ALMS1: variants seen among roughly 807,000 people sequenced by gnomAD.
ALMS1 encodes the protein centrosome-associated protein ALMS1.
Under a neutral mutation model 352.2 loss-of-function variants are expected in ALMS1, and 271 were observed. The observed-to-expected ratio is 0.77, with a 90% CI of 0.70 to 0.85. ALMS1 has a LOEUF of 0.85. ALMS1 is among the 40% of genes least tolerant of loss of function. The probability of loss-of-function intolerance (pLI) is 0.00; values close to 1 mark genes in which losing one functional copy is unlikely to be tolerated. For synonymous variants in ALMS1, 1,865 were observed against 1,761.2 expected (o/e 1.06, Z -1.48); for missense variants, 5,445 against 4,870.7 (o/e 1.12, Z -3.51).
chr2:73,466,158 C>A (rs558254676), intron 9 of ALMS1, among the ~76,000 whole-genome samples: 30 of 152,256 alleles, frequency 2.0e-4, no homozygotes, highest in African/African-American at 6.7e-4. Flanking sequence ...GATTATAAAT[C>A]GTGCTGCTAT....
chr2:73,407,349 G>C (rs1670992158), intron 1 of ALMS1, among the ~76,000 whole-genome samples: 1 of 152,128 alleles, frequency 6.6e-6, no homozygotes, highest in African/African-American at 2.4e-5. Context: ...CCTCTGAAAG[G>C]TTCTACCTCT....
chr2:73,461,998 CAGGG>C (rs1337149959), intron 9 of ALMS1, among the ~76,000 whole-genome samples: 2 of 151,688 alleles, frequency 1.3e-5, no homozygotes, highest in African/African-American at 4.9e-5. Context: ...CTGAAAGTGA[CAGGG>C]AGAATGGAAC....
intron 2 of ALMS1, among the ~76,000 whole-genome samples, chr2:73,416,222 G>GA (rs1671178992): frequency 6.6e-6 from 1 of 152,074 alleles, no homozygotes; most frequent in Admixed American, 6.5e-5. Context: ...GCCCTCTAAA[G>GA]AAAAAATGTA....
intron 2 of ALMS1, among the ~76,000 whole-genome samples, chr2:73,414,995 C>A: frequency 6.6e-6 from 1 of 152,116 alleles, no homozygotes; most frequent in South Asian, 2.1e-4. Flanking sequence ...ATTTAGTTTT[C>A]AACCTCTGCT....
chr2:73,528,045 T>G (rs932841013), intron 11 of ALMS1, among the ~76,000 whole-genome samples: 44 of 152,214 alleles, frequency 2.9e-4, no homozygotes, highest in African/African-American at 1.1e-3. Flanking sequence ...TTCCATGCAT[T>G]TGTATAGTTT....
intron 10 of ALMS1, 105 bp downstream of exon 10, chr2:73,491,603 C>G: frequency 8.0e-7 from 1 of 1,245,642 alleles, no homozygotes; most frequent in Non-Finnish European, 1.2e-6. Context: ...TGTGATTTCT[C>G]TGAGTGGAGG....
In ALMS1 at chr2:73,573,205, C is replaced by G. The variant is rs45596541; in HGVS notation, c.11328C>G (p.His3776Gln). Residue 3776 changes from histidine to glutamine, a missense_variant, in exon 16 of 23, where the codon CAC (histidine) becomes CAG (glutamine). His to Gln is a conservative substitution (Grantham distance 24). Transcript: ENST00000613296. ...LTQTDREVAL[H>Q]ERSSSVSTID... ...AAACAGATAGAGAGGTGGCTCTGCA[C>G]GAAAGGAGTAGCTCTGTTTCCACTA... 6.2e-7 allele frequency: 1 copy of G among 1,612,190 alleles called. No individual in the cohort carries two copies. The highest frequency in any genetic ancestry group is 1.7e-5 in the Admixed American group (1 of 59,852).
chr2:73,602,227 G>T lies in ALMS1; in HGVS notation c.12157G>T (p.Gly4053Trp). 1 of 1,614,082 alleles carries T rather than the reference G, an allele frequency of 6.2e-7. No individual in the cohort carries two copies. The change falls in exon 20 of 23, where the codon GGG (glycine) becomes TGG (tryptophan). Residue 4053 changes from glycine to tryptophan, a missense_variant. Transcript: ENST00000613296. ...FHRPDFISRSGERIKRLKLIV... is the reference protein window; with the variant it reads ...FHRPDFISRSWERIKRLKLIV... ...CAGACCTGACTTCATCTCCCGCTCT[G>T]GGGAGCGGATAAAGCGCCTGAAGTT... is the stretch of plus-strand genomic sequence containing the variant.
chr2:73,408,281 C>G (rs970342190), intron 1 of ALMS1, among the ~76,000 whole-genome samples: 1 of 152,190 alleles, frequency 6.6e-6, no homozygotes, highest in Non-Finnish European at 1.5e-5. Flanking sequence ...GTTCCCACTT[C>G]TTGTGCTATG....
chr2:73,549,711 C>A (rs573329233), intron 12 of ALMS1, among the ~76,000 whole-genome samples: 1 of 152,272 alleles, frequency 6.6e-6, no homozygotes, highest in East Asian at 1.9e-4. Flanking sequence ...TGAACTGATT[C>A]TCCATTTTAC....
intron 2 of ALMS1, among the ~76,000 whole-genome samples, chr2:73,415,332 GT>G (rs1671164019): frequency 1.3e-5 from 2 of 152,204 alleles, no homozygotes; most frequent in East Asian, 3.8e-4. Context: ...ATAAGAATAT[GT>G]TTGCATAGGA....
intron 10 of ALMS1, among the ~76,000 whole-genome samples, chr2:73,496,683 A>T (rs924055392): frequency 6.6e-6 from 1 of 152,090 alleles, no homozygotes; most frequent in Non-Finnish European, 1.5e-5. Context: ...TGTCTGTATC[A>T]TTTTGCATTC....
intron 21 of ALMS1, chr2:73,604,005 T>G (rs1309007598): frequency 6.6e-6 from 1 of 152,310 alleles, no homozygotes; most frequent in Non-Finnish European, 1.5e-5. Flanking sequence ...AGTTAAACTT[T>G]TTTAAAAGAT....
chr2:73,413,604 T>A (rs1436208324), intron 2 of ALMS1, among the ~76,000 whole-genome samples: 5 of 152,190 alleles, frequency 3.3e-5, no homozygotes, highest in Admixed American at 2.6e-4. Flanking sequence ...TGCCAAATGT[T>A]CCATGGTTGA....
At chr2:73,388,397 A>G (rs1010432816) in intron 1 of ALMS1, among the ~76,000 whole-genome samples, 2 of 152,180 alleles carry the variant, frequency 1.3e-5, no homozygotes, top group Non-Finnish European at 2.9e-5. Context: ...TGTACGTGAT[A>G]GTGTAACATT....
At chr2:73,393,952 C>G (rs1471791311) in intron 1 of ALMS1, among the ~76,000 whole-genome samples, 1 of 151,858 alleles carries the variant, frequency 6.6e-6, no homozygotes, top group African/African-American at 2.4e-5. Flanking sequence ...TACCAAGTAG[C>G]TGGAACTACA....
At chr2:73,556,385 T>C (rs1674542144) in intron 13 of ALMS1, among the ~76,000 whole-genome samples, 1 of 151,936 alleles carries the variant, frequency 6.6e-6, no homozygotes, top group Non-Finnish European at 1.5e-5. Context: ...GATAAAAAAA[T>C]CAAAAATGAT....
In ALMS1 at chr2:73,408,921, G is replaced by A. The variant is rs189711181; in HGVS notation, c.450+174G>A. On this transcript the variant is annotated intron_variant, in intron 2 of 22. Transcript: ENST00000613296. ...AGGGTCTCACTCTGTCACCCAGGCT[G>A]GAGGGCAGTGGCATGATCATAGCTT... Among the ~76,000 whole-genome samples the A allele has an allele frequency of 5.3e-5, 7 of 133,084 alleles. No homozygotes were observed. In the Admixed American group the frequency reaches 6.2e-4, roughly 12 times the overall value. 87.3% of individuals were successfully genotyped at this position (133,084 alleles called of 152,430 possible).
At position 73,450,918 on chromosome 2, in the gene ALMS1, A is replaced by G; in HGVS notation, c.4391A>G (p.Gln1464Arg). The change falls in exon 8 of 23, where the codon CAG becomes CGG. Residue 1464 changes from glutamine to arginine, a missense_variant. Physicochemically the swap from Gln to Arg is conservative, Grantham distance 43. Coordinates refer to ENST00000613296, the MANE Select transcript of ALMS1 (RefSeq NM_001378454.1). ...EVSVAPGPVD[Q>R]TIGTPTVTSP... ...TCAGTTGCTCCTGGACCAGTTGACC[A>G]GACGATTGGCACACCAACTGTAACC... is the stretch of plus-strand genomic sequence containing the variant. 1 of 1,614,062 alleles carries G rather than the reference A, an allele frequency of 6.2e-7. No individual in the cohort carries two copies. The highest frequency in any genetic ancestry group is 8.5e-7 in the Non-Finnish European group (1 of 1,179,948).
Sources: gnomAD v4.1 joint callset for allele counts (sites outside exome capture counted in the v4.1 genomes callset) on GRCh38, gnomAD v4.1.1 for gene constraint, MANE v1.5 for transcripts, NCBI Gene and HGNC (gene_info 2026-07-23, HGNC 2026-07-21) for gene names.